Variants in ZNF566 observed in about 807,000 individuals in gnomAD.
The protein encoded by ZNF566 is zinc finger protein 566.
ZNF566 carries 27 observed loss-of-function variants against 32.8 expected under a neutral mutation model. The observed-to-expected ratio is 0.82, with a 90% CI of 0.61 to 1.14. ZNF566 has a LOEUF of 1.14. ZNF566 is among the 50% of genes most tolerant of loss of function. ZNF566 has a pLI of 0.00. For synonymous variants in ZNF566, 154 were observed against 159.5 expected (o/e 0.97, Z 0.26); for missense variants, 402 against 490.4 (o/e 0.82, Z 1.70).
At chr19:36,456,982 G>C (rs60678858) in intron 4 of ZNF566, among the ~76,000 whole-genome samples, 2 of 152,108 alleles carry the variant, frequency 1.3e-5, no homozygotes, top group African/African-American at 4.8e-5. Flanking sequence ...CACTACATCC[G>C]ATAGATTTCA....
At chr19:36,476,499 T>A in intron 2 of ZNF566, 50 bp downstream of exon 2, 1 of 1,515,818 alleles carries the variant, frequency 6.6e-7, no homozygotes, top group Non-Finnish European at 9.2e-7. Context: ...TGTTTACAGT[T>A]ACTAGAAGTA....
intron 4 of ZNF566, among the ~76,000 whole-genome samples, chr19:36,470,722 C>T (rs532510628): frequency 6.6e-6 from 1 of 152,080 alleles, no homozygotes; most frequent in South Asian, 2.1e-4. Flanking sequence ...ACCAGCCTGG[C>T]CAACATGGTG....
At chr19:36,473,311 A>C in intron 3 of ZNF566, 21 bp downstream of exon 3, 1 of 1,613,804 alleles carries the variant, frequency 6.2e-7, no homozygotes, top group Non-Finnish European at 8.5e-7. Context: ...AATCTAAATT[A>C]CTATGGACAG....
At chr19:36,466,353 A>AT (rs200647333) in intron 4 of ZNF566, among the ~76,000 whole-genome samples, 12 of 104,542 alleles carry the variant, frequency 1.1e-4, no homozygotes, top group African/African-American at 4.8e-4. Flanking sequence ...CATGGCAGAC[A>AT]CAATCTGCGG....
chr19:36,459,374 C>T (rs1301736412), intron 4 of ZNF566, among the ~76,000 whole-genome samples: 2 of 152,090 alleles, frequency 1.3e-5, no homozygotes, highest in African/African-American at 4.8e-5. Flanking sequence ...GACACCATGC[C>T]TGGCTAATTT....
Position 36,449,307 on chromosome 19 carries a change from T to C in ZNF566, c.927A>G (p.Lys309=), listed in dbSNP as rs147959436. The change falls in exon 5 of 5, where the codon AAA becomes AAG. Residue 309 remains lysine (K), a synonymous_variant. Coordinates refer to ENST00000452939, the MANE Select transcript of ZNF566 (RefSeq NM_001145344.1). ...TQHQRIHTGE[K]PYECKECGNA... is the part of the protein sequence containing the mutation. Reference sequence around the variant, plus strand: ...TGCCACATTCCTTACATTCATAGGGTTTTTCCCCAGTATGAATTCTCTGAT... The same window carrying C: ...TGCCACATTCCTTACATTCATAGGGCTTTTCCCCAGTATGAATTCTCTGAT... 78 of 1,613,808 alleles carry C rather than the reference T, an allele frequency of 4.8e-5. 1 individual carries two copies. The African/African-American group carries it at 9.6e-4, about 20-fold the overall frequency.
chr19:36,449,033 C>A lies in ZNF566; in HGVS notation c.1201G>T (p.Gly401Ter). 6.2e-7 allele frequency: 1 copy of A among 1,606,900 alleles called. No homozygotes were observed. The highest frequency in any genetic ancestry group is 8.5e-7 in the Non-Finnish European group (1 of 1,178,038). The change falls in exon 5 of 5, where the codon GGA (glycine) becomes TGA (stop). Residue 401 changes from glycine to a stop codon, truncating the protein, a stop_gained. Transcript: ENST00000452939. LOFTEE classifies it high-confidence loss of function. ...SEKPYEYREC[G>*]KNFNYDPQLI... ...TGTGGGTCATAATTAAAGTTCTTTC[C>A]ACATTCCCTATATTCATAGGGTTTC...
chr19:36,477,151 C>A (rs1001883978), intron 1 of ZNF566, among the ~76,000 whole-genome samples: 1 of 152,080 alleles, frequency 6.6e-6, no homozygotes, highest in Non-Finnish European at 1.5e-5. Context: ...GCTGGGACTA[C>A]AGGCATGTGC....
intron 4 of ZNF566, among the ~76,000 whole-genome samples, chr19:36,466,286 G>C (rs1349579151): frequency 6.6e-6 from 1 of 152,196 alleles, no homozygotes; most frequent in East Asian, 1.9e-4. Flanking sequence ...ACAATGTACA[G>C]CTGTCCCTCT....
At chr19:36,473,273 T>C in intron 3 of ZNF566, 59 bp downstream of exon 3, 3 of 1,596,422 alleles carry the variant, frequency 1.9e-6, no homozygotes, top group Admixed American at 3.4e-5. Flanking sequence ...GCATTTCACA[T>C]TGGAGGAAGT....
intron 4 of ZNF566, among the ~76,000 whole-genome samples, chr19:36,454,753 C>A (rs1481665044): frequency 2.6e-5 from 4 of 152,130 alleles, no homozygotes; most frequent in African/African-American, 2.4e-5. Flanking sequence ...AACCTCCCAA[C>A]AAATAAAAGA....
chr19:36,458,679 G>A (rs759790537), intron 4 of ZNF566, among the ~76,000 whole-genome samples: 5 of 152,090 alleles, frequency 3.3e-5, no homozygotes, highest in Non-Finnish European at 7.4e-5. Flanking sequence ...TTATAATACT[G>A]TATTGTATAC....
At chr19:36,488,707 T>G (rs1362110406) in intron 1 of ZNF566, among the ~76,000 whole-genome samples, 2 of 152,132 alleles carry the variant, frequency 1.3e-5, no homozygotes, top group South Asian at 4.1e-4. Flanking sequence ...GCAAAGAAAT[T>G]GAATTAACCG....
At chr19:36,460,317 T>C (rs1478521257) in intron 4 of ZNF566, among the ~76,000 whole-genome samples, 1 of 152,110 alleles carries the variant, frequency 6.6e-6, no homozygotes, top group Non-Finnish European at 1.5e-5. Flanking sequence ...GAATAAGGAA[T>C]CATGCACACT....
intron 4 of ZNF566, among the ~76,000 whole-genome samples, chr19:36,471,260 G>GTTTACC (rs1372402422): frequency 3.3e-5 from 5 of 151,594 alleles, no homozygotes; most frequent in African/African-American, 7.3e-5. Context: ...CCATTTCTAG[G>GTTTACC]TGCACAGCCT....
At chr19:36,457,593 A>G (rs906199800) in intron 4 of ZNF566, among the ~76,000 whole-genome samples, 2 of 152,296 alleles carry the variant, frequency 1.3e-5, no homozygotes, top group Admixed American at 1.3e-4. Context: ...TGAAACCACA[A>G]TGAAATATCA....
At chr19:36,452,666 A>C (rs887134277) in intron 4 of ZNF566, among the ~76,000 whole-genome samples, 2 of 151,828 alleles carry the variant, frequency 1.3e-5, no homozygotes, top group African/African-American at 4.8e-5. Context: ...ACTAGATTTA[A>C]CTTGTAAGAA....
In ZNF566 at chr19:36,472,954, C is replaced by A. The variant is rs760708913; in HGVS notation, c.189G>T (p.Glu63Asp). 14 of 1,613,948 alleles carry A rather than the reference C, an allele frequency of 8.7e-6. No individual in the cohort carries two copies. The highest frequency in any genetic ancestry group is 1.2e-5 in the Non-Finnish European group (14 of 1,179,998). The change falls in exon 4 of 5, where the codon GAG becomes GAT. Residue 63 changes from glutamate (E) to aspartate (D), a missense_variant. Coordinates refer to ENST00000452939, the MANE Select transcript of ZNF566 (RefSeq NM_001145344.1). ...TTAGCTCTCTGTCAGCCAACCAGGG[C>A]TCCTTCCCTTGCTCCAAGTAGGAGA... ...NVISYLEQGKEPWLADRELTR... is the reference protein window; with the variant it reads ...NVISYLEQGKDPWLADRELTR...
Position 36,476,602 on chromosome 19 carries a change from T to C in ZNF566, c.-45A>G. 1.9e-6 allele frequency: 3 copies of C among 1,613,104 alleles called. No individual in the cohort carries two copies. The highest frequency in any genetic ancestry group is 8.5e-7 in the Non-Finnish European group (1 of 1,179,602). ...AAGGACCTTCTCTTGGCTCTTCTTT[T>C]GGAGAAGGGTAGAGCTGGGAGAGGC... On this transcript the variant is annotated 5_prime_UTR_variant, in exon 2 of 5. Transcript: ENST00000452939.
Sources: gnomAD v4.1 joint callset for allele counts (sites outside exome capture counted in the v4.1 genomes callset) on GRCh38, gnomAD v4.1.1 for gene constraint, MANE v1.5 for transcripts, NCBI Gene and HGNC (gene_info 2026-07-23, HGNC 2026-07-21) for gene names.